Variants in FAF1 observed in about 807,000 individuals in gnomAD.
FAF1 encodes the protein FAS-associated factor 1.
FAF1 carries 25 observed loss-of-function variants against 92.5 expected under a neutral mutation model. That is an observed-to-expected ratio of 0.27 (90% confidence interval 0.20 to 0.38). The LOEUF (loss-of-function observed/expected upper bound fraction) is 0.38, where lower values mean the gene tolerates loss of function less well. Ranked by LOEUF, FAF1 falls within the 10% of genes least tolerant of loss-of-function variation. The pLI is 1.00. For missense variants in FAF1, 636 were observed against 793.3 expected, an observed-to-expected ratio of 0.80 and a Z score of 2.38; for synonymous variants, 234 against 273.2, an observed-to-expected ratio of 0.86 and a Z score of 1.42.
chr1:50,896,945 A>T (rs1342972937), intron 1 of FAF1, among the ~76,000 whole-genome samples: 1 of 152,258 alleles, frequency 6.6e-6, no homozygotes, highest in East Asian at 1.9e-4. Context: ...TGAATATTAC[A>T]TTATGTGTAT....
chr1:50,694,832 G>A (rs1172691350), intron 7 of FAF1, among the ~76,000 whole-genome samples: 1 of 151,260 alleles, frequency 6.6e-6, no homozygotes, highest in African/African-American at 2.4e-5. Context: ...GCGTAGTGGT[G>A]GGCACCTGTA....
chr1:50,637,131 T>C (rs1408524923), intron 8 of FAF1, among the ~76,000 whole-genome samples: 1 of 151,952 alleles, frequency 6.6e-6, no homozygotes. Flanking sequence ...CTTCCAATTT[T>C]GTTCTTTTTG....
rs1413823157 is a variant in FAF1 at position 50,663,185 on chromosome 1, A to G, written c.658-7657T>C. 2.6e-5 allele frequency among the ~76,000 whole-genome samples: 4 copies of G among 151,296 alleles called. 2 individuals carry two copies. Among genetic ancestry groups the G allele is most frequent in the African/African-American group, 9.8e-5 (4 of 40,836 alleles). On this transcript the variant is annotated intron_variant, in intron 7 of 18. Transcript: ENST00000396153. ...TGTGAAGTTGCAGGGATTATAACTG[A>G]AAAAAAAGGTTAATTATTTTTCTAC...
intron 18 of FAF1, among the ~76,000 whole-genome samples, chr1:50,458,992 G>C (rs1485832199): frequency 6.9e-6 from 1 of 144,858 alleles, no homozygotes; most frequent in Non-Finnish European, 1.5e-5. Context: ...TTTTTTTTGA[G>C]ACAGAGTCTT....
chr1:50,805,488 G>A (rs1662157577), intron 2 of FAF1, among the ~76,000 whole-genome samples: 1 of 152,112 alleles, frequency 6.6e-6, no homozygotes, highest in Non-Finnish European at 1.5e-5. Context: ...TAACAAAAGG[G>A]GAAAATCATG....
At position 50,443,425 on chromosome 1, in the gene FAF1, C is replaced by T. The variant is rs564762296; in HGVS notation, c.1870-1902G>A. Among the ~76,000 whole-genome samples, 48 of 152,248 alleles carry T rather than the reference C, an allele frequency of 3.2e-4. 1 individual carries two copies. The highest frequency in any genetic ancestry group is 1.2e-3 in the South Asian group (6 of 4,820). The stretch of plus-strand genomic sequence containing the variant: ...AAGGAGGAAACTAAAATTTCTTGAA[C>T]GCCTACTATATGCCAGACAACATAT... On this transcript the variant is annotated intron_variant, in intron 18 of 18. Coordinates refer to ENST00000396153, the MANE Select transcript of FAF1 (RefSeq NM_007051.3).
intron 1 of FAF1, among the ~76,000 whole-genome samples, chr1:50,936,259 T>G (rs1360624884): frequency 1.3e-5 from 2 of 152,168 alleles, no homozygotes; most frequent in African/African-American, 2.4e-5. Context: ...AAACAGATAT[T>G]TACAAAGTAA....
At chr1:50,456,958 AT>A (rs886349979) in intron 18 of FAF1, among the ~76,000 whole-genome samples, 2 of 152,206 alleles carry the variant, frequency 1.3e-5, no homozygotes, top group Non-Finnish European at 2.9e-5. Flanking sequence ...CTTTGTGACT[AT>A]GTAAACTTGA....
At chr1:50,481,554 T>C (rs1646704139) in intron 17 of FAF1, among the ~76,000 whole-genome samples, 2 of 152,182 alleles carry the variant, frequency 1.3e-5, no homozygotes, top group South Asian at 2.1e-4. Flanking sequence ...CAGGCTATAC[T>C]ATCTATGTTT....
At chr1:50,717,927 G>A (rs1335643800) in intron 6 of FAF1, among the ~76,000 whole-genome samples, 2 of 151,900 alleles carry the variant, frequency 1.3e-5, no homozygotes, top group African/African-American at 2.4e-5. Flanking sequence ...CTGAATAATC[G>A]AATAGTGACC....
intron 17 of FAF1, among the ~76,000 whole-genome samples, chr1:50,485,667 CAAAAAAAAA>C (rs999538430): frequency 6.6e-4 from 9 of 13,720 alleles, no homozygotes; most frequent in Admixed American, 2.6e-3. Context: ...GAGACTGTCT[CAAAAAAAAA>C]AAAAAAAAAA....
chr1:50,586,484 A>T (rs181079826), intron 9 of FAF1, among the ~76,000 whole-genome samples: 77 of 152,330 alleles, frequency 5.1e-4, no homozygotes, highest in African/African-American at 1.6e-3. Flanking sequence ...TAATGCAGAG[A>T]ATCATAATCA....
intron 8 of FAF1, among the ~76,000 whole-genome samples, chr1:50,626,779 C>T (rs1182445487): frequency 1.3e-5 from 2 of 151,936 alleles, no homozygotes; most frequent in East Asian, 1.9e-4. Flanking sequence ...AATATAGAAG[C>T]CCAATTTGGA....
At chr1:50,602,931 C>T (rs190963610) in intron 8 of FAF1, among the ~76,000 whole-genome samples, 38 of 152,266 alleles carry the variant, frequency 2.5e-4, no homozygotes, top group Admixed American at 2.0e-3. Context: ...GTGCTTTACA[C>T]GCACTACCCC....
At chr1:50,458,106 G>C (rs1021870908) in intron 18 of FAF1, among the ~76,000 whole-genome samples, 1 of 152,008 alleles carries the variant, frequency 6.6e-6, no homozygotes, top group East Asian at 1.9e-4. Flanking sequence ...CCAGCTACTT[G>C]GGAGACTGCG....
intron 12 of FAF1, among the ~76,000 whole-genome samples, chr1:50,575,990 G>C (rs1221817458): frequency 6.6e-6 from 1 of 152,166 alleles, no homozygotes; most frequent in African/African-American, 2.4e-5. Flanking sequence ...TGATAACTAA[G>C]AGCACTGTTA....
At chr1:50,743,029 C>A (rs768419299) in intron 5 of FAF1, among the ~76,000 whole-genome samples, 1 of 152,210 alleles carries the variant, frequency 6.6e-6, no homozygotes, top group Non-Finnish European at 1.5e-5. Flanking sequence ...CTCGATGTTT[C>A]ACATATTGTC....
chr1:50,687,520 C>T (rs1444852591), intron 7 of FAF1, among the ~76,000 whole-genome samples: 1 of 152,044 alleles, frequency 6.6e-6, no homozygotes, highest in Non-Finnish European at 1.5e-5. Flanking sequence ...GAGACTGAGG[C>T]AGGTAGATCA....
At chr1:50,902,860 T>G (rs1164402860) in intron 1 of FAF1, among the ~76,000 whole-genome samples, 3 of 152,158 alleles carry the variant, frequency 2.0e-5, no homozygotes, top group Non-Finnish European at 4.4e-5. Context: ...CAATTTGTGG[T>G]TGGTTGAATC....
Sources: allele counts gnomAD v4.1 joint callset (sites outside exome capture counted in the v4.1 genomes callset), GRCh38; gene constraint gnomAD v4.1.1; transcripts MANE v1.5; gene names NCBI Gene and HGNC (gene_info 2026-07-23, HGNC 2026-07-21).